MALRD1: variants seen among roughly 807,000 people sequenced by gnomAD.
MALRD1 encodes the protein MAM and LDL receptor class A domain containing 1.
In MALRD1, 247 loss-of-function variants were observed where a neutral mutation model predicts 242.1. That is an observed-to-expected ratio of 1.02 (90% CI 0.92 to 1.13). The LOEUF is 1.13. Among genes scored for constraint, MALRD1 ranks in the 50% most tolerant of loss-of-function variants. The pLI is 0.00. For synonymous variants in MALRD1, 995 were observed against 866.6 expected, an observed-to-expected ratio of 1.15 and a Z score of -2.60; for missense variants, 2,989 against 2,533.1, an observed-to-expected ratio of 1.18 and a Z score of -3.86.
intron 28 of MALRD1, among the ~76,000 whole-genome samples, chr10:19,402,403 T>C (rs894778258): frequency 1.3e-5 from 2 of 152,190 alleles, no homozygotes; most frequent in African/African-American, 4.8e-5. Context: ...TACTGTTCTC[T>C]TGGTAGTGAG....
chr10:19,285,264 C>G (rs1369592060), intron 21 of MALRD1, among the ~76,000 whole-genome samples: 4 of 141,466 alleles, frequency 2.8e-5, no homozygotes, highest in Non-Finnish European at 4.6e-5. Context: ...TAATTAGATC[C>G]CATTTGTCAA....
intron 23 of MALRD1, among the ~76,000 whole-genome samples, chr10:19,329,693 T>C (rs1026876817): frequency 4.6e-5 from 7 of 152,178 alleles, no homozygotes; most frequent in African/African-American, 1.7e-4. Context: ...CAGTCCACAG[T>C]GCAACTGCCA....
intron 22 of MALRD1, among the ~76,000 whole-genome samples, chr10:19,326,013 A>G (rs1843117345): frequency 6.9e-6 from 1 of 145,736 alleles, no homozygotes; most frequent in Admixed American, 7.1e-5. Flanking sequence ...TTCAAAAAAC[A>G]TATTAAATTT....
intron 5 of MALRD1, among the ~76,000 whole-genome samples, chr10:19,111,782 G>A (rs910827552): frequency 1.7e-4 from 26 of 152,210 alleles, no homozygotes; most frequent in African/African-American, 6.0e-4. Context: ...TGAAGATGAG[G>A]ACACAGAGAG....
At chr10:19,094,193 C>A (rs1480717683) in intron 4 of MALRD1, among the ~76,000 whole-genome samples, 1 of 105,910 alleles carries the variant, frequency 9.4e-6, no homozygotes, top group African/African-American at 4.0e-5. Flanking sequence ...CCCCCAGCCT[C>A]GTTGCTGCCT....
At chr10:19,242,806 C>G (rs901917046) in intron 18 of MALRD1, among the ~76,000 whole-genome samples, 19 of 151,912 alleles carry the variant, frequency 1.3e-4, no homozygotes, top group African/African-American at 4.1e-4. Flanking sequence ...CACTTTCAGT[C>G]TATTTGTCTT....
intron 11 of MALRD1, among the ~76,000 whole-genome samples, chr10:19,148,788 A>ATAT (rs1554797975): frequency 0.047 from 4,086 of 87,820 alleles, 204 homozygotes; most frequent in African/African-American, 0.12. Context: ...AAAAAAAAAA[A>ATAT]ATATATATAT....
intron 14 of MALRD1, among the ~76,000 whole-genome samples, chr10:19,183,294 T>C (rs935540179): frequency 8.5e-5 from 13 of 152,090 alleles, no homozygotes; most frequent in Admixed American, 8.5e-4. Flanking sequence ...AGGAGTCTTT[T>C]TTTTTCTTGT....
At chr10:19,429,457 A>T (rs1834034026) in intron 28 of MALRD1, among the ~76,000 whole-genome samples, 1 of 152,130 alleles carries the variant, frequency 6.6e-6, no homozygotes, top group African/African-American at 2.4e-5. Context: ...CCAGCTACTC[A>T]GAAGGCTGAA....
chr10:19,618,188 A>G (rs1260623450), intron 36 of MALRD1, among the ~76,000 whole-genome samples: 2 of 152,040 alleles, frequency 1.3e-5, no homozygotes, highest in Non-Finnish European at 2.9e-5. Flanking sequence ...GCTGCATAGT[A>G]TTCCATGGTA....
At chr10:19,339,432 AATATAGTTATATACAT>A (rs1437793758) in intron 24 of MALRD1, among the ~76,000 whole-genome samples, 4 of 152,188 alleles carry the variant, frequency 2.6e-5, no homozygotes, top group Non-Finnish European at 5.9e-5. Context: ...ACAAATTTGT[AATATAGTTATATACAT>A]ATTCAGCTTT....
chr10:19,648,400 C>T (rs1265628271), intron 36 of MALRD1, among the ~76,000 whole-genome samples: 2 of 149,930 alleles, frequency 1.3e-5, no homozygotes, highest in African/African-American at 5.0e-5. Context: ...ACAGATGCAC[C>T]AGGGAAAGTT....
intron 29 of MALRD1, among the ~76,000 whole-genome samples, chr10:19,467,341 TGAGACTCCGCCACTGCACTC>T: frequency 1.3e-5 from 1 of 77,610 alleles, no homozygotes; most frequent in South Asian, 6.2e-4. Flanking sequence ...GGCGACAGAG[TGAGACTCCGCCACTGCACTC>T]CAGCCTGGGC....
intron 36 of MALRD1, among the ~76,000 whole-genome samples, chr10:19,624,591 C>G (rs1385596390): frequency 1.3e-5 from 2 of 152,042 alleles, no homozygotes; most frequent in Non-Finnish European, 2.9e-5. Context: ...TTAGGCCAGG[C>G]ATGGTGGCTC....
At chr10:19,703,228 A>G (rs1311098867) in intron 38 of MALRD1, among the ~76,000 whole-genome samples, 1 of 152,188 alleles carries the variant, frequency 6.6e-6, no homozygotes, top group African/African-American at 2.4e-5. Context: ...GGAATTCTTC[A>G]TCTGCCTCTC....
intron 32 of MALRD1, among the ~76,000 whole-genome samples, chr10:19,547,327 C>G (rs1007710041): frequency 6.6e-6 from 1 of 152,006 alleles, no homozygotes; most frequent in Non-Finnish European, 1.5e-5. Flanking sequence ...TTATTACAAA[C>G]CAAGTGAGGT....
intron 10 of MALRD1, among the ~76,000 whole-genome samples, 160 bp downstream of exon 10, chr10:19,136,941 G>C (rs777827737): frequency 3.7e-4 from 57 of 152,198 alleles, no homozygotes; most frequent in Non-Finnish European, 7.9e-4. Flanking sequence ...ATGCCTTCAG[G>C]GATCTCTATT....
chr10:19,315,266 A>T (rs1842618123), intron 21 of MALRD1, among the ~76,000 whole-genome samples: 1 of 35,028 alleles, frequency 2.9e-5, no homozygotes, highest in South Asian at 1.7e-3. Flanking sequence ...ATATATAAAT[A>T]TAATTTATAG....
Position 19,131,388 on chromosome 10 carries a change from A to G in MALRD1, c.1111-2468A>G, listed in dbSNP as rs565013216. 3.3e-5 allele frequency among the ~76,000 whole-genome samples: 5 copies of G among 152,260 alleles called. No homozygotes were observed. The South Asian group carries it at 1.0e-3, about 32-fold the overall frequency. On this transcript the variant is annotated intron_variant, in intron 8 of 39. Coordinates refer to ENST00000454679, the MANE Select transcript of MALRD1 (RefSeq NM_001142308.3). The stretch of plus-strand genomic sequence containing the variant: ...AACTCAGGTGAAGGCAAGTTGTTAA[A>G]TAAAAAGTTCACTCTTTAGAATCAG...
Sources: gnomAD v4.1 joint callset for allele counts (sites outside exome capture counted in the v4.1 genomes callset) on GRCh38, gnomAD v4.1.1 for gene constraint, MANE v1.5 for transcripts, NCBI Gene and HGNC (gene_info 2026-07-23, HGNC 2026-07-21) for gene names.